NLRP11: variants seen among roughly 807,000 people sequenced by gnomAD.
The protein encoded by NLRP11 is NACHT, LRR and PYD domains-containing protein 11.
Under a neutral mutation model 79.3 loss-of-function variants are expected in NLRP11, and 53 were observed. That is an observed-to-expected ratio of 0.67 (90% CI 0.54 to 0.84). The LOEUF (loss-of-function observed/expected upper bound fraction) is 0.84, where lower values mean the gene tolerates loss of function less well. Ranked by LOEUF, NLRP11 falls within the 40% of genes least tolerant of loss-of-function variation. NLRP11 has a pLI of 0.00. For synonymous variants in NLRP11, 518 were observed against 462.6 expected (o/e 1.12, Z -1.54); for missense variants, 1,264 against 1,255.0 (o/e 1.01, Z -0.11).
At chr19:55,798,436 A>C in intron 5 of NLRP11, 116 of 541,964 alleles carry the variant, frequency 2.1e-4, no homozygotes, top group Middle Eastern at 9.1e-4. Flanking sequence ...ACATGTTCTC[A>C]CTTACAGATG....
At chr19:55,811,398 T>A (rs1281200211) in intron 2 of NLRP11, among the ~76,000 whole-genome samples, 7 of 152,086 alleles carry the variant, frequency 4.6e-5, no homozygotes, top group African/African-American at 1.7e-4. Flanking sequence ...TATCCCTGGG[T>A]AAGGGCAGGC....
At chr19:55,788,469 G>A (rs532246465) in intron 9 of NLRP11, among the ~76,000 whole-genome samples, 6 of 150,738 alleles carry the variant, frequency 4.0e-5, no homozygotes, top group Admixed American at 1.3e-4. Flanking sequence ...AGCCAGGCGC[G>A]GTGGCTCACG....
At chr19:55,800,225 C>A (rs1393891413) in intron 5 of NLRP11, among the ~76,000 whole-genome samples, 1 of 152,186 alleles carries the variant, frequency 6.6e-6, no homozygotes, top group Non-Finnish European at 1.5e-5. Context: ...GCAAGTAGAG[C>A]TACTGAGCAC....
intron 1 of NLRP11, among the ~76,000 whole-genome samples, chr19:55,829,739 T>C (rs1393997151): frequency 2.0e-5 from 3 of 150,950 alleles, no homozygotes; most frequent in Non-Finnish European, 4.4e-5. Context: ...TACAGAAGTA[T>C]GAACTGTTTG....
chr19:55,786,916 C>T (rs1444123878), intron 9 of NLRP11, among the ~76,000 whole-genome samples: 1 of 152,136 alleles, frequency 6.6e-6, no homozygotes, highest in Non-Finnish European at 1.5e-5. Flanking sequence ...GAAAGTTTGA[C>T]TCAATATCCA....
In NLRP11 at chr19:55,818,089, T is replaced by C. The variant is rs1981324340; in HGVS notation, c.86A>G (p.Tyr29Cys). ...GAAATCAAGAATCTTGCGTGCCAGA[T>C]ACTTCTTAAAACTCTGAAATTCCTT... The change falls in exon 2 of 10, where the codon TAT (tyrosine) becomes TGT (cysteine). Residue 29 changes from tyrosine to cysteine, a missense_variant. Coordinates refer to ENST00000589093, the Ensembl canonical transcript of NLRP11. 2.5e-6 allele frequency: 4 copies of C among 1,613,962 alleles called. No homozygotes were observed. The African/African-American group carries it at 4.0e-5, about 16-fold the overall frequency.
exon 10 of NLRP11, chr19:55,785,553 T>C: frequency 8.2e-7 from 1 of 1,225,492 alleles, no homozygotes; most frequent in Non-Finnish European, 1.1e-6. Context: ...AATAGGAAAA[T>C]TATAGTCCTA....
At chr19:55,833,633 T>A (rs1288466436), upstream of NLRP11, among the ~76,000 whole-genome samples, 1 of 151,510 alleles carries the variant, frequency 6.6e-6, no homozygotes, top group Non-Finnish European at 1.5e-5. Context: ...CCAGGTGTGG[T>A]GGCGGGCGCC....
intron 5 of NLRP11, among the ~76,000 whole-genome samples, chr19:55,796,656 T>G (rs1039505309): frequency 6.6e-6 from 1 of 151,892 alleles, no homozygotes; most frequent in Non-Finnish European, 1.5e-5. Context: ...TAGCCTTGGG[T>G]GCCCCACATG....
intron 7 of NLRP11, 87 bp from the exon 8 acceptor site, chr19:55,789,486 TTGTGACATTCA>T: frequency 8.0e-7 from 1 of 1,243,152 alleles, no homozygotes; most frequent in East Asian, 2.3e-5. Context: ...TGGACCCGTC[TTGTGACATTCA>T]TGAATAAGGG....
chr19:55,789,928 G>T (rs111806064), intron 7 of NLRP11, among the ~76,000 whole-genome samples: 1 of 151,996 alleles, frequency 6.6e-6, no homozygotes, highest in Admixed American at 6.6e-5. Flanking sequence ...TTCCATTCAC[G>T]TCTCCCCCAT....
chr19:55,835,192 T>G (rs1190106724), upstream of NLRP11, among the ~76,000 whole-genome samples: 1 of 152,184 alleles, frequency 6.6e-6, no homozygotes, highest in African/African-American at 2.4e-5. Context: ...AACACTGAAC[T>G]CAGGATTCTT....
intron 5 of NLRP11, among the ~76,000 whole-genome samples, chr19:55,798,735 A>AACACACAC (rs141517744): frequency 6.7e-6 from 1 of 150,302 alleles, no homozygotes; most frequent in African/African-American, 2.5e-5. Flanking sequence ...TTTTGCTTCA[A>AACACACAC]ACACACACAC....
At position 55,788,789 on chromosome 19, in the gene NLRP11, G is replaced by C. The variant is rs775874827; in HGVS notation, c.2855+18C>G. On this transcript the variant is annotated intron_variant, in intron 9 of 9. Coordinates refer to ENST00000589093, the Ensembl canonical transcript of NLRP11. ...AAAAAAGAATTTTCCCCATCACCAA[G>C]GAAAATAAGCAACTTACCCAACTAC... 5.3e-6 allele frequency: 6 copies of C among 1,140,798 alleles called. No individual in the cohort carries two copies. The Admixed American group carries it at 1.3e-4, about 24-fold the overall frequency. The allele number at this position is 1,140,798 out of a possible 1,614,324, so 70.7% of individuals were successfully genotyped here. A position where few individuals can be genotyped will look rare whatever the true frequency, so the allele number is the denominator to read the frequency against.
At chr19:55,834,944 A>G (rs1983105908), upstream of NLRP11, among the ~76,000 whole-genome samples, 1 of 152,286 alleles carries the variant, frequency 6.6e-6, no homozygotes, top group East Asian at 1.9e-4. Context: ...AAGAAAATCG[A>G]AGGGAATGAA....
chr19:55,815,081 T>C (rs1347171745), intron 2 of NLRP11, among the ~76,000 whole-genome samples: 1 of 139,582 alleles, frequency 7.2e-6, no homozygotes, highest in African/African-American at 3.2e-5. Flanking sequence ...GGCCTCAAAA[T>C]AGAGAACATA....
chr19:55,831,037 T>C (rs553582562), intron 1 of NLRP11, among the ~76,000 whole-genome samples: 2 of 150,008 alleles, frequency 1.3e-5, no homozygotes, highest in East Asian at 3.9e-4. Context: ...CCCTGTAAAT[T>C]CAGCACTCAA....
chr19:55,801,504 A>C, intron 5 of NLRP11, 68 bp downstream of exon 5: 2 of 1,250,708 alleles, frequency 1.6e-6, no homozygotes, highest in Non-Finnish European at 2.3e-6. Flanking sequence ...TTGAAGGGGC[A>C]CCTCTATCCA....
At chr19:55,794,331 C>A (rs1340778555) in intron 6 of NLRP11, among the ~76,000 whole-genome samples, 2 of 152,162 alleles carry the variant, frequency 1.3e-5, no homozygotes, top group Non-Finnish European at 2.9e-5. Context: ...AAAAAAATAT[C>A]TATTTGGAGT....
Sources: gnomAD v4.1 joint callset for allele counts (sites outside exome capture counted in the v4.1 genomes callset) on GRCh38, gnomAD v4.1.1 for gene constraint, MANE v1.5 for transcripts, NCBI Gene and HGNC (gene_info 2026-07-23, HGNC 2026-07-21) for gene names.